Variants in GJC1 observed in about 807,000 individuals in gnomAD.
GJC1 encodes gap junction gamma-1 protein.
In GJC1, 5 loss-of-function variants were observed where a neutral mutation model predicts 29.3. The ratio of observed to expected loss-of-function variants is 0.17; its 90% CI spans 0.09 to 0.36. GJC1 has a LOEUF of 0.36. Ranked by LOEUF, GJC1 falls within the 10% of genes least tolerant of loss-of-function variation. The pLI, the probability that GJC1 is intolerant of heterozygous loss-of-function variation, is 1.00. For synonymous variants in GJC1, 177 were observed against 183.3 expected, an observed-to-expected ratio of 0.97 and a Z score of 0.28; for missense variants, 310 against 496.2, an observed-to-expected ratio of 0.62 and a Z score of 3.56.
chr17:44,827,605 A>C (rs1597765068), intron 1 of GJC1, among the ~76,000 whole-genome samples: 2 of 152,066 alleles, frequency 1.3e-5, no homozygotes, highest in East Asian at 1.9e-4. Context: ...GCAGTGTACT[A>C]TGACAGCCTG....
chr17:44,805,472 G>GCTTGCTCCGAGCTGC lies in GJC1; in HGVS notation c.331_345dup (p.Ala111_Lys115dup). ...TGTTGTTTCCAGCGCATTGCATAGG[G>GCTTGCTCCGAGCTGC]CTTGCTCCGAGCTGCCTTCTTGTCT... On this transcript the variant is annotated inframe_insertion, in exon 3 of 3. Transcript: ENST00000592524. The surrounding 1 kb of genome is among the most constrained non-coding windows in gnomAD (Gnocchi z 5.1). 2.5e-6 allele frequency: 4 copies of GCTTGCTCCGAGCTGC among 1,614,136 alleles called. No individual in the cohort carries two copies. Among genetic ancestry groups the GCTTGCTCCGAGCTGC allele is most frequent in the Non-Finnish European group, 3.4e-6 (4 of 1,180,032 alleles).
chr17:44,806,971 T>A (rs1307158593), intron 2 of GJC1, among the ~76,000 whole-genome samples: 1 of 152,166 alleles, frequency 6.6e-6, no homozygotes, highest in African/African-American at 2.4e-5. Flanking sequence ...ACTAGGAAGA[T>A]CTTCCCTAGC....
intron 1 of GJC1, among the ~76,000 whole-genome samples, chr17:44,819,685 A>C (rs1423014291): frequency 6.6e-6 from 1 of 151,212 alleles, no homozygotes; most frequent in African/African-American, 2.4e-5. Flanking sequence ...TAAATAAATA[A>C]ATAAATAAAT....
At position 44,804,374 on chromosome 17, in the gene GJC1, T is replaced by C. The variant is rs932154108; in HGVS notation, c.*253A>G. 6.7e-6 allele frequency: 3 copies of C among 449,878 alleles called. No homozygotes were observed. The highest frequency in any genetic ancestry group is 3.8e-5 in the Admixed American group (1 of 26,034). 27.9% of individuals were successfully genotyped at this position (449,878 alleles called of 1,614,324 possible). On this transcript the variant is annotated 3_prime_UTR_variant, in exon 3 of 3. Transcript: ENST00000592524. ...AGAATGATTTAAATATGTCTGTTCT[T>C]CTCCAGATCTGGAAGACACAAATGT...
chr17:44,830,494 C>A (rs540531744), upstream of GJC1: 1,089 of 395,682 alleles, frequency 2.8e-3, 11 homozygotes, highest in Non-Finnish European at 2.8e-3. The surrounding 1 kb of genome is among the most constrained non-coding windows in gnomAD (Gnocchi z 4.3). Flanking sequence ...GTGGGAGTCA[C>A]CCGCGTGGAG....
At chr17:44,826,255 G>A (rs1431106159) in intron 1 of GJC1, among the ~76,000 whole-genome samples, 1 of 152,118 alleles carries the variant, frequency 6.6e-6, no homozygotes, top group Non-Finnish European at 1.5e-5. Context: ...AATGCTGGCC[G>A]GGCACGGTGG....
downstream of GJC1, among the ~76,000 whole-genome samples, chr17:44,795,304 T>C (rs994405644): frequency 6.6e-6 from 1 of 152,206 alleles, no homozygotes; most frequent in Admixed American, 6.6e-5. Context: ...CTTGACTCAC[T>C]GCAACCTCTG....
At position 44,823,826 on chromosome 17, in the gene GJC1, C is replaced by T. The variant is rs139958517; in HGVS notation, c.-97+6236G>A. Among the ~76,000 whole-genome samples the T allele has an allele frequency of 4.0e-3, 607 of 151,846 alleles. 5 individuals are homozygous for T. The highest frequency in any genetic ancestry group is 0.014 in the African/African-American group (590 of 41,390). ...TCCCAGGTTCAAGCGATTCTCCTGC[C>T]GCAGCCTCCTAAGTAGCTGGGACTA... On this transcript the variant is annotated intron_variant, in intron 1 of 2. Transcript: ENST00000592524.
chr17:44,795,705 G>C (rs1020484710), downstream of GJC1, among the ~76,000 whole-genome samples: 2 of 152,260 alleles, frequency 1.3e-5, no homozygotes, highest in African/African-American at 4.8e-5. Flanking sequence ...GTGTCCAGGG[G>C]TGAATGTTTA....
At chr17:44,830,810 G>C (rs375770315), upstream of GJC1, 3 of 398,028 alleles carry the variant, frequency 7.5e-6, no homozygotes. This position sits in a 1 kb window ranked among gnomAD's most constrained non-coding sequence, Gnocchi z 4.3. Flanking sequence ...GCTCTTAGCA[G>C]TGCTCTAGAT....
intron 1 of GJC1, among the ~76,000 whole-genome samples, chr17:44,824,431 T>C (rs746249750): frequency 3.9e-4 from 60 of 152,222 alleles, no homozygotes; most frequent in Middle Eastern, 3.4e-3. Flanking sequence ...CCTGAGTAGC[T>C]GAAACCACAG....
intron 1 of GJC1, among the ~76,000 whole-genome samples, chr17:44,826,588 G>A (rs113891188): frequency 1.7e-3 from 259 of 151,802 alleles, no homozygotes; most frequent in African/African-American, 6.0e-3. Context: ...CCTTGTTTTA[G>A]GAAAACTCTT....
chr17:44,821,237 A>G (rs2145356049), intron 1 of GJC1, among the ~76,000 whole-genome samples: 1 of 152,360 alleles, frequency 6.6e-6, no homozygotes, highest in South Asian at 2.1e-4. Context: ...TCTTCATGCA[A>G]ACAGGACAAT....
At chr17:44,824,852 G>T (rs573104780) in intron 1 of GJC1, among the ~76,000 whole-genome samples, 1 of 135,024 alleles carries the variant, frequency 7.4e-6, no homozygotes, top group African/African-American at 2.7e-5. Context: ...TAGTGAGAAG[G>T]GGGGGAAAGA....
At chr17:44,830,837 A>G (rs1223269386), upstream of GJC1, 1 of 396,798 alleles carries the variant, frequency 2.5e-6, no homozygotes, top group African/African-American at 2.1e-5. This position sits in a 1 kb window ranked among gnomAD's most constrained non-coding sequence, Gnocchi z 4.3. Context: ...CAGGTCCTGA[A>G]CTTCTCGGAT....
intron 1 of GJC1, among the ~76,000 whole-genome samples, chr17:44,817,319 T>C (rs2050054597): frequency 6.6e-6 from 1 of 152,078 alleles, no homozygotes; most frequent in Non-Finnish European, 1.5e-5. Flanking sequence ...GTTTGGACTC[T>C]TTCTTGACCA....
intron 1 of GJC1, among the ~76,000 whole-genome samples, chr17:44,816,261 A>G (rs2050042883): frequency 6.6e-6 from 1 of 152,158 alleles, no homozygotes; most frequent in Admixed American, 6.6e-5. Context: ...GTTTGCTTAT[A>G]TAACATTTAT....
downstream of GJC1, chr17:44,797,681 A>G (rs1181611876): frequency 2.0e-5 from 3 of 152,182 alleles, no homozygotes; most frequent in Non-Finnish European, 4.4e-5. Context: ...AAGCCCTTAA[A>G]ACCTTAAAAA....
intron 1 of GJC1, among the ~76,000 whole-genome samples, chr17:44,827,794 G>A (rs1165054173): frequency 1.3e-5 from 2 of 152,198 alleles, no homozygotes; most frequent in Non-Finnish European, 2.9e-5. Context: ...AATTAGCCAG[G>A]CGTGGTGGCG....
Sources: gnomAD v4.1 joint callset for allele counts (sites outside exome capture counted in the v4.1 genomes callset) on GRCh38, gnomAD v4.1.1 for gene constraint, Gnocchi (gnomAD v3.1) non-coding constraint, MANE v1.5 for transcripts, NCBI Gene and HGNC (gene_info 2026-07-23, HGNC 2026-07-21) for gene names.